Variants in RPA3 observed in about 807,000 individuals in gnomAD.
The protein encoded by RPA3 is replication protein A3.
Under a neutral mutation model 13.7 loss-of-function variants are expected in RPA3, and 24 were observed. That is an observed-to-expected ratio of 1.75 (90% CI 1.27 to 2.46). The LOEUF (loss-of-function observed/expected upper bound fraction) is 2.46, where lower values mean the gene tolerates loss of function less well. Among genes scored for constraint, RPA3 ranks in the 30% most tolerant of loss-of-function variants. The pLI is 0.00. For synonymous variants in RPA3, 59 were observed against 51.2 expected, an observed-to-expected ratio of 1.15 and a Z score of -0.65; for missense variants, 183 against 151.0, an observed-to-expected ratio of 1.21 and a Z score of -1.11.
intron 1 of RPA3, among the ~76,000 whole-genome samples, chr7:7,717,521 G>A (rs1780948799): frequency 6.6e-6 from 1 of 152,150 alleles, no homozygotes; most frequent in Non-Finnish European, 1.5e-5. Context: ...TTATTGTTTT[G>A]AAGTAAAATG....
chr7:7,697,650 C>T (rs1780353569), intron 2 of RPA3, among the ~76,000 whole-genome samples: 2 of 152,156 alleles, frequency 1.3e-5, no homozygotes, highest in South Asian at 4.1e-4. Context: ...GATATTATCA[C>T]ATTCATGTGA....
chr7:7,706,923 A>C (rs564971384), intron 2 of RPA3, among the ~76,000 whole-genome samples: 2 of 152,334 alleles, frequency 1.3e-5, no homozygotes, highest in South Asian at 4.1e-4. Flanking sequence ...ATCCTAACAG[A>C]GGCCCAGGGA....
intron 4 of RPA3, among the ~76,000 whole-genome samples, chr7:7,662,007 C>G (rs1385694926): frequency 6.6e-6 from 1 of 152,166 alleles, no homozygotes; most frequent in African/African-American, 2.4e-5. Flanking sequence ...ATGCCCTACA[C>G]AGAGAGGAGG....
At chr7:7,690,891 A>G (rs185720723) in intron 2 of RPA3, among the ~76,000 whole-genome samples, 1 of 152,340 alleles carries the variant, frequency 6.6e-6, no homozygotes, top group Admixed American at 6.5e-5. Flanking sequence ...TGTTATGAAA[A>G]TATGTAAATA....
At chr7:7,647,752 A>T (rs1469649678) in intron 4 of RPA3, among the ~76,000 whole-genome samples, 2 of 152,170 alleles carry the variant, frequency 1.3e-5, no homozygotes, top group Admixed American at 6.5e-5. Context: ...ACGTGCCATC[A>T]CACCCAGCTA....
chr7:7,711,344 C>T (rs1002093389), intron 2 of RPA3, among the ~76,000 whole-genome samples: 2 of 152,154 alleles, frequency 1.3e-5, no homozygotes, highest in Admixed American at 1.3e-4. Flanking sequence ...GAGCTTTCCT[C>T]TAGATTTTAT....
At chr7:7,639,300 T>C (rs1272315406) in intron 5 of RPA3, among the ~76,000 whole-genome samples, 156 bp from the exon 6 acceptor site, 4 of 149,208 alleles carry the variant, frequency 2.7e-5, no homozygotes, top group South Asian at 2.2e-4. Flanking sequence ...TATAATCTTA[T>C]GTTATCAAAT....
rs576546006 is a variant in RPA3 at position 7,692,139 on chromosome 7, A to C, written c.-1027-4811T>G. Reference sequence around the variant, plus strand: ...AGAGTACTTCGCCCCCTTTTTCTGCACTCTCGCACACATATCACCATCTTC... The same window carrying C: ...AGAGTACTTCGCCCCCTTTTTCTGCCCTCTCGCACACATATCACCATCTTC... On this transcript the variant is annotated intron_variant, in intron 2 of 7. Coordinates refer to ENST00000223129, the MANE Select transcript of RPA3 (RefSeq NM_002947.5). Among the ~76,000 whole-genome samples, 804 of 152,078 alleles carry C rather than the reference A, an allele frequency of 5.3e-3. 8 individuals are homozygous for C. Among genetic ancestry groups the C allele is most frequent in the African/African-American group, 0.018 (762 of 41,476 alleles).
intron 2 of RPA3, among the ~76,000 whole-genome samples, chr7:7,692,807 C>T (rs915472244): frequency 3.3e-5 from 5 of 152,100 alleles, no homozygotes; most frequent in African/African-American, 1.2e-4. Flanking sequence ...ACGGGGTTCA[C>T]CATGTTGGTC....
intron 4 of RPA3, chr7:7,673,353 AGC>A (rs1779657220): frequency 7.8e-7 from 1 of 1,285,048 alleles, no homozygotes; most frequent in Non-Finnish European, 1.1e-6. Flanking sequence ...CAGCAGCAGC[AGC>A]AGCAGCAGCA....
chr7:7,640,157 G>A, intron 5 of RPA3, 163 bp downstream of exon 5: 2 of 708,858 alleles, frequency 2.8e-6, no homozygotes, highest in Non-Finnish European at 2.4e-6. Context: ...GCCAAAATGG[G>A]GCTACAACGG....
chr7:7,651,277 G>A (rs1197835929), intron 4 of RPA3, among the ~76,000 whole-genome samples: 1 of 152,200 alleles, frequency 6.6e-6, no homozygotes, highest in African/African-American at 2.4e-5. Context: ...ATGTTGGAGA[G>A]TTCCCTGAAC....
At chr7:7,683,631 C>CT (rs993475463) in intron 4 of RPA3, among the ~76,000 whole-genome samples, 1 of 150,330 alleles carries the variant, frequency 6.7e-6, no homozygotes, top group Non-Finnish European at 1.5e-5. Flanking sequence ...TTTTCCTTTT[C>CT]TTTTTTTTAG....
At chr7:7,649,419 C>T (rs1432732022) in intron 4 of RPA3, among the ~76,000 whole-genome samples, 1 of 152,114 alleles carries the variant, frequency 6.6e-6, no homozygotes, top group Non-Finnish European at 1.5e-5. Context: ...GAGGTCAGAG[C>T]TCTCATAACC....
intron 4 of RPA3, among the ~76,000 whole-genome samples, chr7:7,662,019 A>G (rs1387958820): frequency 6.6e-6 from 1 of 152,120 alleles, no homozygotes; most frequent in Non-Finnish European, 1.5e-5. Context: ...GAGAGGAGGA[A>G]TCTAGAGAGG....
intron 4 of RPA3, among the ~76,000 whole-genome samples, chr7:7,659,061 C>A (rs562612712): frequency 1.3e-5 from 2 of 152,164 alleles, no homozygotes; most frequent in Non-Finnish European, 2.9e-5. Context: ...GGAATTTATC[C>A]ATTTCTTCTA....
intron 1 of RPA3, among the ~76,000 whole-genome samples, chr7:7,715,557 G>A (rs970093266): frequency 5.3e-5 from 8 of 152,080 alleles, no homozygotes; most frequent in African/African-American, 1.9e-4. Flanking sequence ...TGGGTGTTGG[G>A]TATGCCATTA....
chr7:7,675,599 C>T (rs955592959), intron 4 of RPA3, among the ~76,000 whole-genome samples: 4 of 152,148 alleles, frequency 2.6e-5, no homozygotes, highest in South Asian at 4.1e-4. Flanking sequence ...TTCCAAATTT[C>T]GTATTTTAAG....
At chr7:7,638,229 T>C in intron 6 of RPA3, 1 of 335,552 alleles carries the variant, frequency 3.0e-6, no homozygotes, top group Non-Finnish European at 5.7e-6. Context: ...AAATCACTAT[T>C]GAAAACGTCC....
Sources: gnomAD v4.1 joint callset for allele counts (sites outside exome capture counted in the v4.1 genomes callset) on GRCh38, gnomAD v4.1.1 for gene constraint, MANE v1.5 for transcripts, NCBI Gene and HGNC (gene_info 2026-07-23, HGNC 2026-07-21) for gene names.